Variants in ST6GALNAC3 observed in about 807,000 individuals in gnomAD.
ST6GALNAC3 encodes the protein ST6 N-acetylgalactosaminide alpha-2,6-sialyltransferase 3.
ST6GALNAC3 carries 25 observed loss-of-function variants against 32.7 expected under a neutral mutation model. The observed-to-expected ratio is 0.76, with a 90% CI of 0.56 to 1.07. The LOEUF is 1.07. ST6GALNAC3 is among the 50% of genes least tolerant of loss of function. The pLI is 0.00. For synonymous variants in ST6GALNAC3, 129 were observed against 133.1 expected (o/e 0.97, Z 0.21); for missense variants, 355 against 382.4 (o/e 0.93, Z 0.60).
intron 3 of ST6GALNAC3, among the ~76,000 whole-genome samples, chr1:76,586,460 T>C (rs1014661571): frequency 6.6e-6 from 1 of 152,212 alleles, no homozygotes; most frequent in Non-Finnish European, 1.5e-5. Flanking sequence ...AGAAATATTG[T>C]CTTGCTAAAC....
intron 2 of ST6GALNAC3, among the ~76,000 whole-genome samples, chr1:76,372,627 G>A (rs1359470): frequency 0.59 from 90,170 of 151,954 alleles, 29,700 homozygotes; most frequent in Non-Finnish European, 0.74. Context: ...TTAAATTTAA[G>A]TAATTTATTT....
chr1:76,258,699 T>C (rs1658058507), intron 1 of ST6GALNAC3, among the ~76,000 whole-genome samples: 1 of 152,128 alleles, frequency 6.6e-6, no homozygotes, highest in African/African-American at 2.4e-5. Context: ...ACCCCGGCAT[T>C]GTAAGATGTG....
intron 3 of ST6GALNAC3, among the ~76,000 whole-genome samples, chr1:76,533,920 T>G (rs1399529474): frequency 3.3e-5 from 5 of 152,204 alleles, no homozygotes; most frequent in Non-Finnish European, 7.3e-5. Flanking sequence ...ATATTTTATA[T>G]ACACCTTTTT....
chr1:76,376,245 G>A (rs1254707358), intron 2 of ST6GALNAC3, among the ~76,000 whole-genome samples: 1 of 152,088 alleles, frequency 6.6e-6, no homozygotes, highest in Non-Finnish European at 1.5e-5. Context: ...GGAGTTTAAT[G>A]TCACAATTAG....
intron 1 of ST6GALNAC3, among the ~76,000 whole-genome samples, chr1:76,086,706 C>T (rs1367107492): frequency 6.6e-6 from 1 of 152,160 alleles, no homozygotes; most frequent in Non-Finnish European, 1.5e-5. Context: ...AACCTTCTTG[C>T]AGAGTCCCGG....
In ST6GALNAC3 at chr1:76,376,124, A is replaced by G. The variant is rs996971508; in HGVS notation, c.214-35884A>G. 1.5e-4 allele frequency among the ~76,000 whole-genome samples: 23 copies of G among 152,142 alleles called. No homozygotes were observed. In the East Asian group the frequency reaches 4.3e-3, roughly 28 times the overall value. Reference sequence around the variant, plus strand: ...AAACCTTTTTTTTTTTAAAAAAAGAAAACATTTTATTATGAGATAATTATA... The same window carrying G: ...AAACCTTTTTTTTTTTAAAAAAAGAGAACATTTTATTATGAGATAATTATA... On this transcript the variant is annotated intron_variant, in intron 2 of 4. Transcript: ENST00000328299.
rs565565842 is a variant in ST6GALNAC3 at position 76,082,549 on chromosome 1, G to A, written c.18+7665G>A. ...CAAATGAGGTGAAGGGATTATCTGC[G>A]CTTTCTCTATTGCTGTTTCTCTCAA... On this transcript the variant is annotated intron_variant, in intron 1 of 4. Transcript: ENST00000328299. 2.0e-5 allele frequency among the ~76,000 whole-genome samples: 3 copies of A among 152,296 alleles called. No individual in the cohort carries two copies. The East Asian group carries it at 5.8e-4, about 29-fold the overall frequency.
chr1:76,414,878 C>A (rs1445476043), intron 3 of ST6GALNAC3, among the ~76,000 whole-genome samples: 1 of 151,966 alleles, frequency 6.6e-6, no homozygotes, highest in African/African-American at 2.4e-5. Flanking sequence ...ATTTAGTTTG[C>A]AAATTTCCCA....
In ST6GALNAC3 at chr1:76,633,984, C is replaced by A; in HGVS notation, c.*5178C>A. ...AATTCCATGTAAATTGCTAAGGCATCGAATCAGAACTGTCCTTGGGCGTTG... is the reference window on the plus strand; with the variant it reads ...AATTCCATGTAAATTGCTAAGGCATAGAATCAGAACTGTCCTTGGGCGTTG... On this transcript the variant is annotated 3_prime_UTR_variant, in exon 5 of 5. Transcript: ENST00000328299. The A allele has an allele frequency of 5.6e-6, 1 of 177,566 alleles. No homozygotes were observed. The highest frequency in any genetic ancestry group is 1.1e-5 in the Non-Finnish European group (1 of 91,490). 11.0% of individuals were successfully genotyped at this position (177,566 alleles called of 1,614,324 possible). A position where few individuals can be genotyped will look rare whatever the true frequency, so the allele number is the denominator to read the frequency against.
At chr1:76,397,433 G>A (rs193208186) in intron 2 of ST6GALNAC3, among the ~76,000 whole-genome samples, 40 of 146,100 alleles carry the variant, frequency 2.7e-4, no homozygotes, top group African/African-American at 7.1e-4. Context: ...GTGCAATGGC[G>A]ATCTCAGCCC....
At chr1:76,173,628 C>T (rs1652663675) in intron 1 of ST6GALNAC3, among the ~76,000 whole-genome samples, 2 of 150,904 alleles carry the variant, frequency 1.3e-5, no homozygotes, top group African/African-American at 4.9e-5. Context: ...GGAACTTAGA[C>T]ATATTTACAA....
intron 1 of ST6GALNAC3, among the ~76,000 whole-genome samples, chr1:76,129,839 G>A (rs1053768604): frequency 2.6e-5 from 4 of 152,120 alleles, no homozygotes; most frequent in African/African-American, 7.2e-5. Flanking sequence ...ATCCATGGCC[G>A]GGTGTTAAAG....
chr1:76,092,523 CT>C, intron 1 of ST6GALNAC3, among the ~76,000 whole-genome samples: 1 of 152,224 alleles, frequency 6.6e-6, no homozygotes, highest in South Asian at 2.1e-4. Flanking sequence ...CACAGCAACC[CT>C]TCAAAATGGG....
rs1654852667 is a variant in ST6GALNAC3 at position 76,206,813 on chromosome 1, G to A, written c.19-106992G>A. On this transcript the variant is annotated intron_variant, in intron 1 of 4. Transcript: ENST00000328299. Reference sequence around the variant, plus strand: ...AATGATCACTAACAGTAAAGATACTGCTTTTATGAAGCTCATGCTTAAATG... The same window carrying A: ...AATGATCACTAACAGTAAAGATACTACTTTTATGAAGCTCATGCTTAAATG... Among the ~76,000 whole-genome samples the A allele has an allele frequency of 2.0e-5, 3 of 152,096 alleles. No individual in the cohort carries two copies. The South Asian group carries it at 6.2e-4, about 31-fold the overall frequency.
intron 1 of ST6GALNAC3, among the ~76,000 whole-genome samples, chr1:76,099,794 C>A (rs905307241): frequency 2.0e-5 from 3 of 152,006 alleles, no homozygotes; most frequent in Admixed American, 2.0e-4. Flanking sequence ...ATAAATAATA[C>A]TTTATTAAGT....
chr1:76,320,981 C>T (rs1482771469), intron 2 of ST6GALNAC3, among the ~76,000 whole-genome samples: 2 of 151,466 alleles, frequency 1.3e-5, no homozygotes, highest in African/African-American at 4.9e-5. Flanking sequence ...CACACACACA[C>T]ACATTATATA....
rs75350064 is a variant in ST6GALNAC3 at position 76,118,294 on chromosome 1, A to T, written c.18+43410A>T. On this transcript the variant is annotated intron_variant, in intron 1 of 4. Coordinates refer to ENST00000328299, the MANE Select transcript of ST6GALNAC3 (RefSeq NM_152996.4). ...TTCTTAAGTATTAGCATTATTATGG[A>T]TATTATTTTGTAAAGCAGTTACCAT... Among the ~76,000 whole-genome samples the T allele has an allele frequency of 4.6e-3, 702 of 152,260 alleles. 11 individuals are homozygous for T. Among genetic ancestry groups the T allele is most frequent in the African/African-American group, 0.016 (672 of 41,542 alleles).
chr1:76,485,100 G>C (rs1359734157), intron 3 of ST6GALNAC3, among the ~76,000 whole-genome samples: 3 of 152,110 alleles, frequency 2.0e-5, no homozygotes, highest in African/African-American at 7.2e-5. Flanking sequence ...TAAGCTTTTT[G>C]ATGTGCTGCT....
chr1:76,416,398 A>G (rs867904146), intron 3 of ST6GALNAC3, among the ~76,000 whole-genome samples: 1 of 152,038 alleles, frequency 6.6e-6, no homozygotes, highest in Non-Finnish European at 1.5e-5. Context: ...TTCATCATCA[A>G]GTTTTTAACA....
Sources: gnomAD v4.1 joint callset for allele counts (sites outside exome capture counted in the v4.1 genomes callset) on GRCh38, gnomAD v4.1.1 for gene constraint, MANE v1.5 for transcripts, NCBI Gene and HGNC (gene_info 2026-07-23, HGNC 2026-07-21) for gene names.